TMEM232: variants seen among roughly 807,000 people sequenced by gnomAD.
TMEM232 encodes the protein transmembrane protein 232.
In TMEM232, 80 loss-of-function variants were observed where a neutral mutation model predicts 78.8. The ratio of observed to expected loss-of-function variants is 1.01; its 90% CI spans 0.85 to 1.22. TMEM232 has a LOEUF of 1.22. TMEM232 is among the 50% of genes most tolerant of loss of function. The pLI is 0.00. For missense variants in TMEM232, 881 were observed against 742.2 expected (o/e 1.19, Z -2.17); for synonymous variants, 297 against 254.3 (o/e 1.17, Z -1.60).
At chr5:110,487,649 G>C (rs986642198) in intron 12 of TMEM232, among the ~76,000 whole-genome samples, 2 of 151,968 alleles carry the variant, frequency 1.3e-5, no homozygotes, top group Non-Finnish European at 2.9e-5. Flanking sequence ...TGCATCCCTG[G>C]TATAAAACCC....
At chr5:110,389,260 C>CAAAA (rs1204456759) in intron 4 of TMEM232, among the ~76,000 whole-genome samples, 2,339 of 118,372 alleles carry the variant, frequency 0.02, 66 homozygotes, top group African/African-American at 0.11. Flanking sequence ...GATTCCATCT[C>CAAAA]AAACAAACAA....
chr5:110,666,500 G>T (rs556569366), intron 2 of TMEM232: 15 of 151,924 alleles, frequency 9.9e-5, no homozygotes, highest in Non-Finnish European at 2.2e-4. Context: ...ATTAGTAACA[G>T]GATTATCTAG....
At chr5:110,598,874 G>A (rs10042079) in intron 10 of TMEM232, among the ~76,000 whole-genome samples, 2 of 105,608 alleles carry the variant, frequency 1.9e-5, no homozygotes, top group East Asian at 3.2e-4. Flanking sequence ...GGTGGGGGGA[G>A]GGGGGAGGGA....
intron 2 of TMEM232, among the ~76,000 whole-genome samples, chr5:110,412,907 A>G (rs1756050720): frequency 6.6e-6 from 1 of 152,196 alleles, no homozygotes. Flanking sequence ...ATAAGTTTCA[A>G]AGCCTTACAC....
At chr5:110,566,075 T>C (rs1169121686) in intron 11 of TMEM232, among the ~76,000 whole-genome samples, 1 of 151,966 alleles carries the variant, frequency 6.6e-6, no homozygotes, top group Non-Finnish European at 1.5e-5. Context: ...TTCCCTCATT[T>C]TTCCATTATA....
At chr5:110,703,265 C>T (rs1795607461) in intron 1 of TMEM232, among the ~76,000 whole-genome samples, 2 of 150,252 alleles carry the variant, frequency 1.3e-5, no homozygotes, top group Non-Finnish European at 3.0e-5. Context: ...CAACAAAAGC[C>T]CCCCACCCTT....
rs552002495 is a variant in TMEM232 at position 110,687,374 on chromosome 5, A to G, written c.-12-20010T>C. On this transcript the variant is annotated intron_variant, in intron 1 of 13. Coordinates refer to ENST00000455884, the MANE Select transcript of TMEM232 (RefSeq NM_001039763.4). ...TCTTGGGTTGCAGTCCTCAAATCTGACCCAAATAAACTCTCTATATTAATT... is the reference window on the plus strand; with the variant it reads ...TCTTGGGTTGCAGTCCTCAAATCTGGCCCAAATAAACTCTCTATATTAATT... 7.9e-5 allele frequency among the ~76,000 whole-genome samples: 12 copies of G among 152,094 alleles called. No homozygotes were observed. The East Asian group carries it at 1.9e-3, about 25-fold the overall frequency.
upstream of TMEM232, among the ~76,000 whole-genome samples, chr5:110,728,488 A>T (rs948775517): frequency 7.9e-5 from 12 of 151,760 alleles, no homozygotes; most frequent in Admixed American, 3.3e-4. Context: ...ACAGGAAATA[A>T]TTTTAAATAA....
chr5:110,481,407 C>A (rs1763846118), intron 12 of TMEM232, among the ~76,000 whole-genome samples: 1 of 151,994 alleles, frequency 6.6e-6, no homozygotes, highest in African/African-American at 2.4e-5. Flanking sequence ...TGTCTTTGGG[C>A]AACAGATTTT....
chr5:110,486,962 AT>A (rs1388404502), intron 12 of TMEM232, among the ~76,000 whole-genome samples: 2 of 151,756 alleles, frequency 1.3e-5, no homozygotes, highest in Non-Finnish European at 2.9e-5. Flanking sequence ...ATGTGTTTCC[AT>A]TTGTTTGTGT....
intron 12 of TMEM232, among the ~76,000 whole-genome samples, chr5:110,473,440 A>G (rs916693580): frequency 1.3e-5 from 2 of 151,798 alleles, no homozygotes; most frequent in African/African-American, 4.8e-5. Flanking sequence ...AAGTGTTGCC[A>G]AGGATGTGAA....
At chr5:110,607,632 T>G (rs909671883) in intron 8 of TMEM232, among the ~76,000 whole-genome samples, 1 of 151,970 alleles carries the variant, frequency 6.6e-6, no homozygotes, top group African/African-American at 2.4e-5. Context: ...TATATTTCAG[T>G]AAGTTTGATT....
intron 10 of TMEM232, among the ~76,000 whole-genome samples, chr5:110,594,633 G>A (rs917236463): frequency 1.1e-4 from 17 of 152,136 alleles, no homozygotes; most frequent in Admixed American, 2.0e-4. Context: ...AGGGGCTTCC[G>A]TCATTACTGC....
rs190794145 is a variant in TMEM232 at position 110,449,817 on chromosome 5, C to A, written c.1704-24901G>T. Among the ~76,000 whole-genome samples, 636 of 152,168 alleles carry A rather than the reference C, an allele frequency of 4.2e-3. 1 individual carries two copies. Among genetic ancestry groups the A allele is most frequent in the Non-Finnish European group, 6.3e-3 (429 of 67,980 alleles). On this transcript the variant is annotated intron_variant, in intron 12 of 13. Transcript: ENST00000455884. ...CTAATGGCTTCTTCTAAAATTTGTTCTTTTTCCTTTTTCTCTATTTTGGTA... is the reference window on the plus strand; with the variant it reads ...CTAATGGCTTCTTCTAAAATTTGTTATTTTTCCTTTTTCTCTATTTTGGTA...
intron 1 of TMEM232, among the ~76,000 whole-genome samples, chr5:110,688,106 T>A (rs1305133244): frequency 6.6e-6 from 1 of 152,014 alleles, no homozygotes; most frequent in African/African-American, 2.4e-5. Flanking sequence ...TGTGTGTGTG[T>A]GTGTGTGTGT....
At chr5:110,603,061 T>C (rs986568318) in intron 10 of TMEM232, among the ~76,000 whole-genome samples, 1 of 152,092 alleles carries the variant, frequency 6.6e-6, no homozygotes, top group Non-Finnish European at 1.5e-5. Context: ...AAACATTGCA[T>C]GTTCTCACTC....
intron 12 of TMEM232, among the ~76,000 whole-genome samples, chr5:110,521,937 T>G (rs561974231): frequency 1.3e-5 from 2 of 152,328 alleles, no homozygotes; most frequent in South Asian, 2.1e-4. Context: ...GATTTGGCTA[T>G]TCACAATCTT....
intron 1 of TMEM232, among the ~76,000 whole-genome samples, chr5:110,721,953 A>G (rs1797691191): frequency 6.6e-6 from 1 of 151,726 alleles, no homozygotes; most frequent in Admixed American, 6.6e-5. Context: ...GATAGTTAGA[A>G]TCACTTCTTA....
At chr5:110,683,261 A>C (rs1239240761) in intron 1 of TMEM232, among the ~76,000 whole-genome samples, 1 of 152,142 alleles carries the variant, frequency 6.6e-6, no homozygotes, top group African/African-American at 2.4e-5. Context: ...GTTAAAAATA[A>C]ATGGGGATTT....
Sources: gnomAD v4.1 joint callset for allele counts (sites outside exome capture counted in the v4.1 genomes callset) on GRCh38, gnomAD v4.1.1 for gene constraint, MANE v1.5 for transcripts, NCBI Gene and HGNC (gene_info 2026-07-23, HGNC 2026-07-21) for gene names.